The following UBE2E2 variants were observed in gnomAD, a reference collection of about 807,000 sequenced individuals.
The protein encoded by UBE2E2 is ubiquitin conjugating enzyme E2 E2.
In UBE2E2, 6 loss-of-function variants were observed where a neutral mutation model predicts 24.7. The ratio of observed to expected loss-of-function variants is 0.24; its 90% confidence interval spans 0.13 to 0.48. The LOEUF is 0.48. Ranked by LOEUF, UBE2E2 falls within the 20% of genes least tolerant of loss-of-function variation. The pLI, the probability that UBE2E2 is intolerant of heterozygous loss-of-function variation, is 0.99. For missense variants in UBE2E2, 169 were observed against 245.0 expected, an observed-to-expected ratio of 0.69 and a Z score of 2.07; for synonymous variants, 104 against 83.6, an observed-to-expected ratio of 1.24 and a Z score of -1.33.
intron 3 of UBE2E2, among the ~76,000 whole-genome samples, chr3:23,422,439 C>G (rs1575619005): frequency 6.6e-6 from 1 of 152,146 alleles, no homozygotes. Context: ...GTTGCCAGGA[C>G]TACTATTTTT....
chr3:23,256,989 C>T lies in UBE2E2; in HGVS notation c.227+39677C>T, dbSNP rs139301568. On this transcript the variant is annotated intron_variant, in intron 3 of 5. Coordinates refer to ENST00000396703, the MANE Select transcript of UBE2E2 (RefSeq NM_152653.4). Reference sequence around the variant, plus strand: ...AGAATAGAAGCCTATTTATTTAGGTCGTGTGAACCACGAAGGAACTGGCAC... The same window carrying T: ...AGAATAGAAGCCTATTTATTTAGGTTGTGTGAACCACGAAGGAACTGGCAC... Among the ~76,000 whole-genome samples the T allele has an allele frequency of 3.7e-3, 570 of 152,316 alleles. 3 individuals carry two copies. Among genetic ancestry groups the T allele is most frequent in the Middle Eastern group, 0.017 (5 of 294 alleles).
chr3:23,582,627 G>T (rs1696510026), intron 5 of UBE2E2, among the ~76,000 whole-genome samples: 1 of 152,012 alleles, frequency 6.6e-6, no homozygotes, highest in Non-Finnish European at 1.5e-5. Flanking sequence ...TCTCATTTTG[G>T]TTTTGATTTG....
intron 3 of UBE2E2, among the ~76,000 whole-genome samples, chr3:23,224,850 A>G (rs1028704714): frequency 6.6e-6 from 1 of 151,832 alleles, no homozygotes; most frequent in Middle Eastern, 3.2e-3. Context: ...TTTCTCTTAG[A>G]TATGTACCTA....
At chr3:23,504,349 A>T (rs1392211765) in intron 4 of UBE2E2, among the ~76,000 whole-genome samples, 4 of 152,192 alleles carry the variant, frequency 2.6e-5, no homozygotes, top group African/African-American at 9.6e-5. Flanking sequence ...TGGCTGAACA[A>T]TTAGGTTCTT....
intron 3 of UBE2E2, among the ~76,000 whole-genome samples, chr3:23,267,913 A>G (rs1398996506): frequency 8.6e-5 from 13 of 151,050 alleles, no homozygotes; most frequent in African/African-American, 2.9e-4. Flanking sequence ...ATGCAAATCA[A>G]TAAACGTAAT....
At chr3:23,579,946 T>C (rs1696438345) in intron 5 of UBE2E2, among the ~76,000 whole-genome samples, 1 of 152,116 alleles carries the variant, frequency 6.6e-6, no homozygotes, top group South Asian at 2.1e-4. Flanking sequence ...TTGGAGGAAA[T>C]AACTGCAGAT....
rs1026341999 is a variant in UBE2E2, at chr3:23,472,902, C to G, written c.228-26706C>G. ...TCCTGGGCTCAAGCGATCCTCTCACCTTGGCCTCCCAGACTGCTGGAATTA... is the reference window on the plus strand; with the variant it reads ...TCCTGGGCTCAAGCGATCCTCTCACGTTGGCCTCCCAGACTGCTGGAATTA... On this transcript the variant is annotated intron_variant, in intron 3 of 5. Transcript: ENST00000396703. 7.2e-5 allele frequency among the ~76,000 whole-genome samples: 11 copies of G among 152,182 alleles called. No individual in the cohort carries two copies. In the South Asian group the frequency reaches 1.2e-3, roughly 17 times the overall value.
At chr3:23,306,272 T>C (rs776446950) in intron 3 of UBE2E2, among the ~76,000 whole-genome samples, 1 of 152,236 alleles carries the variant, frequency 6.6e-6, no homozygotes, top group Non-Finnish European at 1.5e-5. Flanking sequence ...CTCAGTTCTC[T>C]GACTAGCTGA....
chr3:23,342,739 A>G (rs1695431149), intron 3 of UBE2E2, among the ~76,000 whole-genome samples: 1 of 152,224 alleles, frequency 6.6e-6, no homozygotes. Context: ...AATGAGTATT[A>G]GCATCACCCT....
chr3:23,398,826 A>C (rs1697143546), intron 3 of UBE2E2, among the ~76,000 whole-genome samples: 1 of 152,218 alleles, frequency 6.6e-6, no homozygotes, highest in Admixed American at 6.5e-5. Flanking sequence ...CTTGAAATCA[A>C]GTCCCAGAAA....
intron 3 of UBE2E2, among the ~76,000 whole-genome samples, chr3:23,221,375 C>T (rs184795861): frequency 1.3e-5 from 2 of 152,202 alleles, no homozygotes; most frequent in Admixed American, 1.3e-4. Context: ...GTTTTGTAAT[C>T]ATCACAGTCT....
chr3:23,230,835 G>C (rs1209192622), intron 3 of UBE2E2, among the ~76,000 whole-genome samples: 2 of 151,662 alleles, frequency 1.3e-5, no homozygotes, highest in African/African-American at 4.8e-5. Flanking sequence ...TTCCTGGAGA[G>C]GTGAAGGGTC....
chr3:23,476,153 T>C (rs1699129627), intron 3 of UBE2E2, among the ~76,000 whole-genome samples: 2 of 152,084 alleles, frequency 1.3e-5, no homozygotes, highest in Non-Finnish European at 2.9e-5. Context: ...CTTACCTAAC[T>C]TACTTTCCTC....
At chr3:23,368,544 A>G (rs990393492) in intron 3 of UBE2E2, among the ~76,000 whole-genome samples, 3 of 152,150 alleles carry the variant, frequency 2.0e-5, no homozygotes, top group Admixed American at 2.0e-4. Context: ...AATTAATTAT[A>G]TTTTTGGTAC....
At chr3:23,563,323 A>G (rs1695982325) in intron 5 of UBE2E2, among the ~76,000 whole-genome samples, 1 of 152,118 alleles carries the variant, frequency 6.6e-6, no homozygotes, top group South Asian at 2.1e-4. Flanking sequence ...TCATTTTGTT[A>G]TGTACCCAGT....
intron 5 of UBE2E2, among the ~76,000 whole-genome samples, chr3:23,573,161 G>A (rs948113649): frequency 6.6e-6 from 1 of 152,078 alleles, no homozygotes; most frequent in African/African-American, 2.4e-5. Context: ...TTATTCCGTT[G>A]AAAGAATAAC....
At chr3:23,417,792 C>T (rs980784589) in intron 3 of UBE2E2, among the ~76,000 whole-genome samples, 4 of 152,308 alleles carry the variant, frequency 2.6e-5, no homozygotes, top group East Asian at 3.9e-4. Context: ...GTGGCTACAG[C>T]GGCGCTTTGC....
rs1427846753 is a variant in UBE2E2 at position 23,280,584 on chromosome 3, A to T, written c.227+63272A>T. On this transcript the variant is annotated intron_variant, in intron 3 of 5. Coordinates refer to ENST00000396703, the MANE Select transcript of UBE2E2 (RefSeq NM_152653.4). The surrounding 1 kb of genome is among the most constrained non-coding windows in gnomAD (Gnocchi z 4.3). ...TACTTGGGAAGCCTGTTGACCCAAC[A>T]GCAACCCTGATGACCCAGTTGTCTT... Among the ~76,000 whole-genome samples the T allele has an allele frequency of 6.6e-6, 1 of 152,226 alleles. No homozygotes were observed. Among genetic ancestry groups the T allele is most frequent in the Non-Finnish European group, 1.5e-5 (1 of 68,028 alleles).
chr3:23,423,957 C>T (rs1697863010), intron 3 of UBE2E2, among the ~76,000 whole-genome samples: 1 of 152,078 alleles, frequency 6.6e-6, no homozygotes, highest in African/African-American at 2.4e-5. Context: ...CTTATTTTGC[C>T]TAGTTTAGTT....
Sources: allele counts gnomAD v4.1 joint callset (sites outside exome capture counted in the v4.1 genomes callset), GRCh38; gene constraint gnomAD v4.1.1; non-coding constraint Gnocchi (gnomAD v3.1); transcripts MANE v1.5; gene names NCBI Gene and HGNC (gene_info 2026-07-23, HGNC 2026-07-21).